Variants in MORN5 observed in about 807,000 individuals in gnomAD.
MORN5 encodes the protein MORN repeat-containing protein 5.
Under a neutral mutation model 22.1 loss-of-function variants are expected in MORN5, and 21 were observed. That is an observed-to-expected ratio of 0.95 (90% CI 0.67 to 1.37). The LOEUF (loss-of-function observed/expected upper bound fraction) is 1.37, where lower values mean the gene tolerates loss of function less well. Among genes scored for constraint, MORN5 ranks in the 40% most tolerant of loss-of-function variants. The pLI is 0.00. For missense variants in MORN5, 211 were observed against 215.1 expected, an observed-to-expected ratio of 0.98 and a Z score of 0.12; for synonymous variants, 73 against 74.0, an observed-to-expected ratio of 0.99 and a Z score of 0.07.
intron 2 of MORN5, among the ~76,000 whole-genome samples, chr9:122,168,963 G>A (rs1829327736): frequency 6.6e-6 from 1 of 152,102 alleles, no homozygotes; most frequent in Admixed American, 6.5e-5. Context: ...CTCAACCAGG[G>A]GGATCAATGG....
At chr9:122,198,354 T>A (rs1242925415) in intron 4 of MORN5, among the ~76,000 whole-genome samples, 1 of 152,196 alleles carries the variant, frequency 6.6e-6, no homozygotes, top group Non-Finnish European at 1.5e-5. Flanking sequence ...TTCCCAAGCA[T>A]CTGCCATTTG....
intron 3 of MORN5, 146 bp downstream of exon 3, chr9:122,169,902 T>C: frequency 3.1e-6 from 2 of 648,332 alleles, no homozygotes; most frequent in Non-Finnish European, 5.5e-6. Context: ...AGCCAGGTCC[T>C]GGAGCCAGGA....
intron 4 of MORN5, among the ~76,000 whole-genome samples, chr9:122,195,177 C>T (rs187050578): frequency 4.7e-4 from 72 of 152,252 alleles, no homozygotes; most frequent in African/African-American, 1.7e-3. Context: ...TTTTAGGGAG[C>T]ACACTGGGTT....
intron 4 of MORN5, among the ~76,000 whole-genome samples, chr9:122,183,822 C>G (rs1180136193): frequency 2.0e-5 from 3 of 152,196 alleles, no homozygotes; most frequent in Non-Finnish European, 4.4e-5. Context: ...TTCCTTCAGT[C>G]AGAAACAATG....
intron 4 of MORN5, among the ~76,000 whole-genome samples, chr9:122,186,126 G>T (rs1829631530): frequency 6.6e-6 from 1 of 152,218 alleles, no homozygotes; most frequent in East Asian, 1.9e-4. Flanking sequence ...CAGCAGACGC[G>T]CATTTGCTGT....
At chr9:122,186,218 G>T (rs969670478) in intron 4 of MORN5, among the ~76,000 whole-genome samples, 8 of 152,126 alleles carry the variant, frequency 5.3e-5, no homozygotes, top group African/African-American at 1.9e-4. Flanking sequence ...AGTTCTTTGA[G>T]GAATAGACCA....
intron 4 of MORN5, among the ~76,000 whole-genome samples, chr9:122,192,292 C>A (rs553003190): frequency 6.6e-6 from 1 of 152,182 alleles, no homozygotes; most frequent in Non-Finnish European, 1.5e-5. Flanking sequence ...GCTGTGCTAA[C>A]CTTTTTTAGG....
chr9:122,190,979 C>T (rs1053962778), intron 4 of MORN5, among the ~76,000 whole-genome samples: 3 of 152,262 alleles, frequency 2.0e-5, no homozygotes, highest in African/African-American at 7.2e-5. Context: ...CACCCCCCAT[C>T]CCAGCCTGGA....
chr9:122,185,585 C>T (rs1163520313), intron 4 of MORN5, among the ~76,000 whole-genome samples: 3 of 151,974 alleles, frequency 2.0e-5, no homozygotes, highest in Non-Finnish European at 4.4e-5. Context: ...TGGTCTCGAT[C>T]TCCTGACCTC....
At chr9:122,192,527 T>C (rs113473944) in intron 4 of MORN5, among the ~76,000 whole-genome samples, 2,416 of 149,998 alleles carry the variant, frequency 0.016, 61 homozygotes, top group African/African-American at 0.054. Context: ...GGATCTCTTT[T>C]TCCCCCAGCT....
chr9:122,184,085 C>T (rs1387099224), intron 4 of MORN5, among the ~76,000 whole-genome samples: 1 of 152,162 alleles, frequency 6.6e-6, no homozygotes, highest in Non-Finnish European at 1.5e-5. Context: ...GAGAGCTAAC[C>T]ATGACTGAGC....
At position 122,199,984 on chromosome 9, in the gene MORN5, C is replaced by T; in HGVS notation, c.*53C>T. 3 of 1,587,272 alleles carry T rather than the reference C, an allele frequency of 1.9e-6. No homozygotes were observed. The highest frequency in any genetic ancestry group is 1.1e-5 in the South Asian group (1 of 90,508). ...CCGTGAACTCTGTGGCTGCCTCCAC[C>T]AGAGGTTTCCATCTGCCCTACTAGC... On this transcript the variant is annotated 3_prime_UTR_variant, in exon 5 of 5. Coordinates refer to ENST00000373764, the MANE Select transcript of MORN5 (RefSeq NM_198469.4).
At chr9:122,174,750 G>A in intron 4 of MORN5, 123 bp downstream of exon 4, 1 of 1,591,134 alleles carries the variant, frequency 6.3e-7, no homozygotes. Context: ...GAAGATGAAA[G>A]TTGATTACCT....
chr9:122,160,130 C>A, intron 1 of MORN5, 111 bp downstream of exon 1: 2 of 951,942 alleles, frequency 2.1e-6, no homozygotes, highest in East Asian at 2.5e-5. Context: ...CAAACTTGCC[C>A]GAGTAATTTT....
At chr9:122,166,660 G>A in intron 1 of MORN5, 108 bp from the exon 2 acceptor site, 1 of 1,070,020 alleles carries the variant, frequency 9.3e-7, no homozygotes, top group Non-Finnish European at 1.4e-6. Flanking sequence ...CTGCTGGGAT[G>A]AGAAGGATGA....
At chr9:122,172,923 C>T (rs767697961) in intron 3 of MORN5, among the ~76,000 whole-genome samples, 23 of 152,176 alleles carry the variant, frequency 1.5e-4, no homozygotes, top group Non-Finnish European at 2.8e-4. Flanking sequence ...ATCATCTCTC[C>T]CTTCAAAGAG....
At chr9:122,162,019 T>G (rs113167599) in intron 1 of MORN5, among the ~76,000 whole-genome samples, 28 of 152,360 alleles carry the variant, frequency 1.8e-4, no homozygotes, top group African/African-American at 6.3e-4. Context: ...CTGTACTGAT[T>G]TTGTATTTTT....
rs545880114 is a variant in MORN5, at chr9:122,182,593, A to G, written c.439+7966A>G. Among the ~76,000 whole-genome samples the G allele has an allele frequency of 1.2e-3, 189 of 152,324 alleles. 1 individual carries two copies. The highest frequency in any genetic ancestry group is 4.4e-3 in the African/African-American group (181 of 41,576). On this transcript the variant is annotated intron_variant, in intron 4 of 4. Transcript: ENST00000373764. ...TGGTGAAACCCTGTCTCTACTGAAA[A>G]TACAAAAATTAGCTGGGCATGGTGG...
chr9:122,169,602 C>T (rs781369625), intron 2 of MORN5, 43 bp from the exon 3 acceptor site: 16 of 1,445,300 alleles, frequency 1.1e-5, no homozygotes, highest in Non-Finnish European at 1.5e-5. Context: ...GGCCAAAAGC[C>T]TTCAGCTTCC....
Sources: allele counts gnomAD v4.1 joint callset (sites outside exome capture counted in the v4.1 genomes callset), GRCh38; gene constraint gnomAD v4.1.1; transcripts MANE v1.5; gene names NCBI Gene and HGNC (gene_info 2026-07-23, HGNC 2026-07-21).